HPSE2: variants seen among roughly 807,000 people sequenced by gnomAD.
The protein encoded by HPSE2 is inactive heparanase-2.
Under a neutral mutation model 60.5 loss-of-function variants are expected in HPSE2, and 38 were observed. The observed-to-expected ratio is 0.63, with a 90% confidence interval of 0.48 to 0.82. HPSE2 has a LOEUF of 0.82. Ranked by LOEUF, HPSE2 falls within the 40% of genes least tolerant of loss-of-function variation. The pLI, the probability that HPSE2 is intolerant of heterozygous loss-of-function variation, is 0.00. For synonymous variants in HPSE2, 295 were observed against 293.2 expected, an observed-to-expected ratio of 1.01 and a Z score of -0.06; for missense variants, 713 against 740.4, an observed-to-expected ratio of 0.96 and a Z score of 0.43.
chr10:98,586,228 T>C (rs999174553), intron 9 of HPSE2, among the ~76,000 whole-genome samples: 1 of 152,206 alleles, frequency 6.6e-6, no homozygotes, highest in African/African-American at 2.4e-5. Flanking sequence ...CCCCAAACTG[T>C]TCACTGTTTG....
chr10:98,689,017 A>C (rs141392071), intron 6 of HPSE2, among the ~76,000 whole-genome samples: 1 of 151,308 alleles, frequency 6.6e-6, no homozygotes, highest in Non-Finnish European at 1.5e-5. Context: ...TGCTTTAAAG[A>C]TTTTTACGTT....
upstream of HPSE2, among the ~76,000 whole-genome samples, chr10:99,236,168 T>A (rs1378899862): frequency 6.6e-6 from 1 of 151,284 alleles, no homozygotes; most frequent in African/African-American, 2.4e-5. Flanking sequence ...TTTTTAAAGG[T>A]AAGGGGAGGG....
chr10:98,886,661 C>A (rs935966218), intron 3 of HPSE2, among the ~76,000 whole-genome samples: 2 of 151,988 alleles, frequency 1.3e-5, no homozygotes, highest in African/African-American at 4.8e-5. Flanking sequence ...AAGTTCCTAC[C>A]GTGTTAAAGG....
rs143896670 is a variant in HPSE2, at chr10:98,603,971, A to G, written c.1320+10933T>C. Among the ~76,000 whole-genome samples the G allele has an allele frequency of 4.5e-4, 68 of 152,350 alleles. 1 individual carries two copies. The East Asian group carries it at 0.013, about 29-fold the overall frequency. On this transcript the variant is annotated intron_variant, in intron 9 of 11. Transcript: ENST00000370552. ...TGTGAAGTTCACAGTCCAAAGGCACAGGCTCACAAAAAGTCTGAGACCTAA... is the reference window on the plus strand; with the variant it reads ...TGTGAAGTTCACAGTCCAAAGGCACGGGCTCACAAAAAGTCTGAGACCTAA...
chr10:98,716,003 C>A (rs987127189), intron 5 of HPSE2, among the ~76,000 whole-genome samples: 4 of 152,066 alleles, frequency 2.6e-5, no homozygotes, highest in Non-Finnish European at 5.9e-5. Flanking sequence ...GGAGTCAATC[C>A]TGTCAAACTC....
chr10:98,816,526 G>A (rs1336917323), intron 3 of HPSE2, among the ~76,000 whole-genome samples: 11 of 152,176 alleles, frequency 7.2e-5, no homozygotes, highest in Admixed American at 7.2e-4. Context: ...CTAAAGTAGA[G>A]TGGGTAGATT....
chr10:99,293,954 G>T, the HPSE2 span, among the ~76,000 whole-genome samples: 16 of 152,148 alleles, frequency 1.1e-4, no homozygotes, highest in African/African-American at 3.9e-4. Context: ...ACAAATTCTT[G>T]TCCAGGTCCA....
intron 3 of HPSE2, among the ~76,000 whole-genome samples, chr10:98,766,256 T>C (rs1950116998): frequency 6.6e-6 from 1 of 152,150 alleles, no homozygotes; most frequent in Non-Finnish European, 1.5e-5. Context: ...AATAATCATA[T>C]ATCTACCAAG....
At chr10:99,123,915 A>C (rs373475153) in intron 3 of HPSE2, among the ~76,000 whole-genome samples, 26 of 152,150 alleles carry the variant, frequency 1.7e-4, no homozygotes, top group Middle Eastern at 3.4e-3. Flanking sequence ...GGAGACCCAG[A>C]GTGGGTAGCT....
At chr10:99,044,061 C>A (rs938430826) in intron 3 of HPSE2, among the ~76,000 whole-genome samples, 2 of 152,096 alleles carry the variant, frequency 1.3e-5, no homozygotes, top group African/African-American at 4.8e-5. Context: ...GGCACATAGT[C>A]ATCAGATTCA....
chr10:98,899,536 G>C (rs1953600730), intron 3 of HPSE2, among the ~76,000 whole-genome samples: 1 of 152,022 alleles, frequency 6.6e-6, no homozygotes, highest in Non-Finnish European at 1.5e-5. Context: ...AAGGAATATA[G>C]ATGGCAAATA....
chr10:98,549,338 TAAC>T lies in HPSE2; in HGVS notation c.1321-59145_1321-59143del, dbSNP rs1202283216. Reference sequence around the variant, plus strand: ...CCTGATATTCCATAAAACTACAAAATAACTATTATTATTATTATTATCCCTCTA... The same window carrying T: ...CCTGATATTCCATAAAACTACAAAATTATTATTATTATTATTATCCCTCTA... On this transcript the variant is annotated intron_variant, in intron 9 of 11. Transcript: ENST00000370552. Among the ~76,000 whole-genome samples the T allele has an allele frequency of 4.0e-5, 6 of 151,078 alleles. No individual in the cohort carries two copies. In the East Asian group the frequency reaches 1.2e-3, roughly 30 times the overall value.
Position 98,756,517 on chromosome 10 carries a change from A to T in HPSE2, c.611-12461T>A, listed in dbSNP as rs377067661. Among the ~76,000 whole-genome samples, 559 of 152,206 alleles carry T rather than the reference A, an allele frequency of 3.7e-3. 2 individuals carry two copies. The highest frequency in any genetic ancestry group is 0.013 in the African/African-American group (534 of 41,554). On this transcript the variant is annotated intron_variant, in intron 3 of 11. Transcript: ENST00000370552. ...CACTGAACCTACAGAAATAATAATT[A>T]AAAAAACCCTCAGAGACTGTTATGA... is the stretch of plus-strand genomic sequence containing the variant.
chr10:99,018,352 T>C (rs1013810222), intron 3 of HPSE2, among the ~76,000 whole-genome samples: 1 of 152,160 alleles, frequency 6.6e-6, no homozygotes, highest in Non-Finnish European at 1.5e-5. Context: ...AAAGAGCAGT[T>C]GGAATTACAA....
chr10:99,187,851 T>C (rs540933543), intron 2 of HPSE2, among the ~76,000 whole-genome samples: 1 of 152,294 alleles, frequency 6.6e-6, no homozygotes, highest in East Asian at 1.9e-4. Flanking sequence ...AAGTTAAACA[T>C]ATACCTACTA....
At chr10:99,304,036 T>C in the HPSE2 span, among the ~76,000 whole-genome samples, 1 of 152,146 alleles carries the variant, frequency 6.6e-6, no homozygotes, top group African/African-American at 2.4e-5. Context: ...CCTATGCCCA[T>C]AAGCTCAGCA....
At chr10:98,920,406 TTA>T (rs1491572984) in intron 3 of HPSE2, among the ~76,000 whole-genome samples, 2 of 152,156 alleles carry the variant, frequency 1.3e-5, no homozygotes, top group Non-Finnish European at 2.9e-5. Flanking sequence ...CAAATAAAAC[TTA>T]TGTGTCTAAC....
chr10:99,121,919 A>G (rs1394441548), intron 3 of HPSE2, among the ~76,000 whole-genome samples: 1 of 152,168 alleles, frequency 6.6e-6, no homozygotes, highest in Admixed American at 6.5e-5. Context: ...TGATACATCC[A>G]TACAATGTAA....
intron 3 of HPSE2, among the ~76,000 whole-genome samples, chr10:99,076,311 A>C (rs1231970792): frequency 6.6e-6 from 1 of 151,384 alleles, no homozygotes; most frequent in Non-Finnish European, 1.5e-5. Flanking sequence ...TTGCAGAAAA[A>C]CCTGTACACT....
Sources: allele counts gnomAD v4.1 joint callset (sites outside exome capture counted in the v4.1 genomes callset), GRCh38; gene constraint gnomAD v4.1.1; transcripts MANE v1.5; gene names NCBI Gene and HGNC (gene_info 2026-07-23, HGNC 2026-07-21).